The following SLC4A3 variants were observed in gnomAD, a reference collection of about 807,000 sequenced individuals.
SLC4A3 encodes anion exchange protein 3.
In SLC4A3, 47 loss-of-function variants were observed where a neutral mutation model predicts 114.2. The observed-to-expected ratio is 0.41, with a 90% CI of 0.33 to 0.52. SLC4A3 has a LOEUF of 0.52. Ranked by LOEUF, SLC4A3 falls within the 20% of genes least tolerant of loss-of-function variation. SLC4A3 has a pLI of 0.21. For synonymous variants in SLC4A3, 693 were observed against 710.3 expected (o/e 0.98, Z 0.39); for missense variants, 1,312 against 1,668.3 (o/e 0.79, Z 3.72).
intron 20 of SLC4A3, 55 bp from the exon 21 acceptor site, chr2:219,640,375 T>A: frequency 6.4e-7 from 1 of 1,566,258 alleles, no homozygotes; most frequent in Non-Finnish European, 8.7e-7. Flanking sequence ...TCCAGGCCTG[T>A]CCATCCTCAC....
rs1006687500 is a variant in SLC4A3 at position 219,628,112 on chromosome 2, G to C, written c.51+69G>C. The C allele has an allele frequency of 5.4e-6, 7 of 1,303,330 alleles. No individual in the cohort carries two copies. The highest frequency in any genetic ancestry group is 7.2e-6 in the Non-Finnish European group (7 of 970,558). The allele number at this position is 1,303,330 out of a possible 1,614,324, so 80.7% of individuals were successfully genotyped here. On this transcript the variant is annotated intron_variant, in intron 2 of 22. Coordinates refer to ENST00000358055, the MANE Select transcript of SLC4A3 (RefSeq NM_005070.4). The surrounding 1 kb of genome is among the most constrained non-coding windows in gnomAD (Gnocchi z 4.8). ...GGGGAGGGACCTTAGGGTGGGCAGA[G>C]GAGTCCTCTGGCCGACCCCGGGACC...
chr2:219,628,047 A>G lies in SLC4A3; in HGVS notation c.51+4A>G. ...GGGCGCCTCCCCCCTACCCCAGGTG[A>G]TCGGCGCGCGCGGGGGCGGGGGAGA... is the stretch of plus-strand genomic sequence containing the variant. On this transcript the variant is annotated splice_donor_region_variant and intron_variant, in intron 2 of 22. Transcript: ENST00000358055. The surrounding 1 kb of genome is among the most constrained non-coding windows in gnomAD (Gnocchi z 4.8). 6.4e-7 allele frequency: 1 copy of G among 1,561,516 alleles called. No homozygotes were observed. Among genetic ancestry groups the G allele is most frequent in the Non-Finnish European group, 8.6e-7 (1 of 1,156,760 alleles).
At chr2:219,632,171 G>A (rs1698947368) in intron 7 of SLC4A3, 55 bp downstream of exon 7, 3 of 1,606,524 alleles carry the variant, frequency 1.9e-6, no homozygotes, top group African/African-American at 2.7e-5. Context: ...CGGCCCCGGA[G>A]CCCTCCTCTC....
intron 5 of SLC4A3, chr2:219,629,937 GGA>G: frequency 2.2e-6 from 2 of 909,878 alleles, no homozygotes; most frequent in Non-Finnish European, 3.3e-6. Context: ...GAGTTCCCCA[GGA>G]GAGAGTGACA....
rs142189082 is a variant in SLC4A3, at chr2:219,637,678, C to A, written c.2633C>A (p.Pro878His). 9 of 1,611,928 alleles carry A rather than the reference C, an allele frequency of 5.6e-6. No individual in the cohort carries two copies. Among genetic ancestry groups the A allele is most frequent in the Non-Finnish European group, 7.6e-6 (9 of 1,178,160 alleles). The change falls in exon 17 of 23, where the codon CCC (proline) becomes CAC (histidine). Residue 878 changes from proline (P) to histidine (H), a missense_variant. Coordinates refer to ENST00000358055, the MANE Select transcript of SLC4A3 (RefSeq NM_005070.4). The surrounding 1 kb of genome is among the most constrained non-coding windows in gnomAD (Gnocchi z 4.6). ...AGLEPNGSAL[P>H]PTEGPPSPRN... ...CTGGAGCCAAATGGCAGTGCCCTGC[C>A]CCCCACCGAGGGCCCCCCCAGCCCG...
chr2:219,635,492 G>A lies in SLC4A3; in HGVS notation c.1968G>A (p.Gly656=), dbSNP rs138312603. ...CACGGGGTGGCTACACGGCCCCTGGGAAAGGTCAGACCCTTGGAGGCTGAG... is the reference window on the plus strand; with the variant it reads ...CACGGGGTGGCTACACGGCCCCTGGAAAAGGTCAGACCCTTGGAGGCTGAG... ...MTTRGGYTAP[G]KELSLELGGS... The change falls in exon 13 of 23, where the codon GGG becomes GGA. Residue 656 remains glycine, a synonymous_variant. Transcript: ENST00000358055. The A allele has an allele frequency of 1.2e-6, 2 of 1,607,254 alleles. No individual in the cohort carries two copies. Among genetic ancestry groups the A allele is most frequent in the Non-Finnish European group, 1.7e-6 (2 of 1,176,578 alleles).
Position 219,639,542 on chromosome 2 carries a change from GCTCC to G in SLC4A3, c.3085_3088del (p.Leu1029SerfsTer31). 2 of 1,614,078 alleles carry G rather than the reference GCTCC, an allele frequency of 1.2e-6. No homozygotes were observed. Among genetic ancestry groups the G allele is most frequent in the Non-Finnish European group, 1.7e-6 (2 of 1,180,046 alleles). ...AGGGCTCCGGTTTCCACCTGGACCT[GCTCC>G]TCATTGGCTCCCTGGGGGGGCTCTG... On this transcript the variant is annotated frameshift_variant, in exon 20 of 23. Transcript: ENST00000358055. LOFTEE classifies it high-confidence loss of function. This position sits in a 1 kb window ranked among gnomAD's most constrained non-coding sequence, Gnocchi z 5.9.
Position 219,628,583 on chromosome 2 carries a change from G to A in SLC4A3, c.217+13G>A. 1 of 1,611,286 alleles carries A rather than the reference G, an allele frequency of 6.2e-7. No homozygotes were observed. Among genetic ancestry groups the A allele is most frequent in the Non-Finnish European group, 8.5e-7 (1 of 1,179,452 alleles). On this transcript the variant is annotated intron_variant, in intron 3 of 22. Transcript: ENST00000358055. This position sits in a 1 kb window ranked among gnomAD's most constrained non-coding sequence, Gnocchi z 4.8. ...CGGGACTTTGAGTGTGGGTAGCCTG[G>A]GGACCCCTAGTGCGGCCGCCCTCGC...
rs560406273 is a variant in SLC4A3 at position 219,639,746 on chromosome 2, G to A, written c.3277+11G>A. Reference sequence around the variant, plus strand: ...TCGCCAGCCTCGTGGGTGAGAGCCCGCCTCCACCCTGCACACCCCCTTCCT... The same window carrying A: ...TCGCCAGCCTCGTGGGTGAGAGCCCACCTCCACCCTGCACACCCCCTTCCT... On this transcript the variant is annotated intron_variant, in intron 20 of 22. Transcript: ENST00000358055. This position sits in a 1 kb window ranked among gnomAD's most constrained non-coding sequence, Gnocchi z 5.9. The A allele has an allele frequency of 1.2e-5, 20 of 1,601,228 alleles. No homozygotes were observed. The highest frequency in any genetic ancestry group is 1.1e-4 in the East Asian group (5 of 44,790).
In SLC4A3 at chr2:219,636,668, A is replaced by AC. The variant is rs746078569; in HGVS notation, c.2341-7dup. On this transcript the variant is annotated splice_polypyrimidine_tract_variant and intron_variant, in intron 15 of 22. Coordinates refer to ENST00000358055, the MANE Select transcript of SLC4A3 (RefSeq NM_005070.4). This position sits in a 1 kb window ranked among gnomAD's most constrained non-coding sequence, Gnocchi z 5.5. ...CCACCTGTGGGTAACGACCGCTCCT[A>AC]CCCCCACCTAGTTCTGCCGAGCCCA... is the stretch of plus-strand genomic sequence containing the variant. 6.2e-7 allele frequency: 1 copy of AC among 1,610,118 alleles called. No individual in the cohort carries two copies. Among genetic ancestry groups the AC allele is most frequent in the East Asian group, 2.2e-5 (1 of 44,814 alleles).
rs762607294 is a variant in SLC4A3, at chr2:219,638,250, G to A, written c.2853G>A (p.Thr951=). 6.2e-6 allele frequency: 10 copies of A among 1,608,362 alleles called. No homozygotes were observed. Among genetic ancestry groups the A allele is most frequent in the South Asian group, 5.5e-5 (5 of 90,262 alleles). The change falls in exon 18 of 23, where the codon ACG becomes ACA. Residue 951 remains threonine, a synonymous_variant. Transcript: ENST00000358055. The surrounding 1 kb of genome is among the most constrained non-coding windows in gnomAD (Gnocchi z 7.5). The part of the protein sequence containing the change: ...LVDYSITDTY[T]QKLTVPTGLS... ...ATTACTCCATCACAGACACCTACAC[G>A]CAGGTGAGGGAGCCCCAGCCTGTGG...
At chr2:219,629,533 G>A (rs1364756822) in intron 4 of SLC4A3, 47 bp from the exon 5 acceptor site, 2 of 1,584,866 alleles carry the variant, frequency 1.3e-6, no homozygotes, top group Admixed American at 1.7e-5. Context: ...GTTGGGGGCT[G>A]TATGGTAGGT....
Position 219,636,845 on chromosome 2 carries a change from A to G in SLC4A3, c.2506A>G (p.Ile836Val). ...TGCCTTTCTCATCTCACTCATTTTC[A>G]TCTACGAGACCTTCTACAAGCTCTA... ...IFAFLISLIFIYETFYKLYKV... is the reference protein window; with the variant it reads ...IFAFLISLIFVYETFYKLYKV... Residue 836 changes from isoleucine (I) to valine (V), a missense_variant, in exon 16 of 23, where the codon ATC becomes GTC. Around this residue, in one of 4 missense-constraint regions of SLC4A3, gnomAD observed 771 missense variants for 977.7 expected, o/e 0.79. Coordinates refer to ENST00000358055, the MANE Select transcript of SLC4A3 (RefSeq NM_005070.4). The surrounding 1 kb of genome is among the most constrained non-coding windows in gnomAD (Gnocchi z 5.5). The G allele has an allele frequency of 2.5e-6, 4 of 1,613,698 alleles. No homozygotes were observed. Among genetic ancestry groups the G allele is most frequent in the Non-Finnish European group, 2.5e-6 (3 of 1,179,880 alleles).
Position 219,640,540 on chromosome 2 carries a change from C to T in SLC4A3, c.3388C>T (p.Arg1130Cys), listed in dbSNP as rs762910061. ...TSLSGIQLSQ[R>C]LLLILMPAKH... ...CCTGTCTGGTATCCAGCTGTCCCAG[C>T]GTTTGTTGCTCATCCTCATGCCGGC... The change falls in exon 21 of 23, where the codon CGT (arginine) becomes TGT (cysteine). Residue 1130 changes from arginine to cysteine, a missense_variant. By Grantham distance (180) the Arg-to-Cys change is radical. Coordinates refer to ENST00000358055, the MANE Select transcript of SLC4A3 (RefSeq NM_005070.4). 5 of 1,614,126 alleles carry T rather than the reference C, an allele frequency of 3.1e-6. No individual in the cohort carries two copies. Among genetic ancestry groups the T allele is most frequent in the African/African-American group, 1.3e-5 (1 of 75,020 alleles).
intron 10 of SLC4A3, among the ~76,000 whole-genome samples, 185 bp downstream of exon 10, chr2:219,633,642 G>C (rs547800807): frequency 1.3e-5 from 2 of 152,390 alleles, no homozygotes; most frequent in South Asian, 4.1e-4. Context: ...TTTTGAATGT[G>C]ATGATGTGGC....
intron 9 of SLC4A3, 26 bp from the exon 10 acceptor site, chr2:219,633,247 TC>T: frequency 6.5e-7 from 1 of 1,536,234 alleles, no homozygotes; most frequent in Admixed American, 1.9e-5. Flanking sequence ...CCTCTCCTCC[TC>T]ACCTGCCTCA....
At chr2:219,633,490 A>G in intron 10 of SLC4A3, 33 bp downstream of exon 10, 5 of 1,485,266 alleles carry the variant, frequency 3.4e-6, no homozygotes, top group Non-Finnish European at 4.5e-6. Flanking sequence ...GGGCCAGGGG[A>G]CTGAGAGGGT....
chr2:219,632,218 A>C (rs1698949514), intron 7 of SLC4A3, 44 bp from the exon 8 acceptor site: 1 of 1,612,356 alleles, frequency 6.2e-7, no homozygotes, highest in Admixed American at 1.7e-5. Flanking sequence ...GGTGTTCCCC[A>C]CACCTGTTGG....
chr2:219,641,804 T>A lies in SLC4A3; in HGVS notation c.*76T>A. The A allele has an allele frequency of 3.2e-6, 4 of 1,235,438 alleles. No homozygotes were observed. Among genetic ancestry groups the A allele is most frequent in the Non-Finnish European group, 4.7e-6 (4 of 842,498 alleles). The allele number at this position is 1,235,438 out of a possible 1,614,324, so 76.5% of individuals were successfully genotyped here. The stretch of plus-strand genomic sequence containing the variant: ...CTGGGCCTCAGGCAGAGCCCAGCCC[T>A]GGGCTGGGGGGCTCCTCAGGACCCA... On this transcript the variant is annotated 3_prime_UTR_variant, in exon 23 of 23. Coordinates refer to ENST00000358055, the MANE Select transcript of SLC4A3 (RefSeq NM_005070.4). The surrounding 1 kb of genome is among the most constrained non-coding windows in gnomAD (Gnocchi z 4.0).
Sources: gnomAD v4.1 joint callset for allele counts (sites outside exome capture counted in the v4.1 genomes callset) on GRCh38, gnomAD v4.1.1 for gene constraint, gnomAD v4.1.1 regional missense constraint, Gnocchi (gnomAD v3.1) non-coding constraint, MANE v1.5 for transcripts, NCBI Gene and HGNC (gene_info 2026-07-23, HGNC 2026-07-21) for gene names.